GPR132: variants seen among roughly 807,000 people sequenced by gnomAD.
GPR132 encodes G protein-coupled receptor 132.
A neutral mutation model predicts 1.9 loss-of-function variants in GPR132; 4 were observed. That is an observed-to-expected ratio of 2.13 (90% CI 1.05 to 4.87). The LOEUF is 4.87. Among genes scored for constraint, GPR132 ranks in the 30% most tolerant of loss-of-function variants. The pLI, the probability that GPR132 is intolerant of heterozygous loss-of-function variation, is 0.01. For synonymous variants in GPR132, 233 were observed against 234.2 expected (o/e 0.99, Z 0.05); for missense variants, 404 against 512.5 (o/e 0.79, Z 2.04).
intron 2 of GPR132, 90 bp downstream of exon 2, chr14:105,057,077 T>C: frequency 1.1e-6 from 1 of 911,474 alleles, no homozygotes; most frequent in Middle Eastern, 2.1e-4. Context: ...TTTTTATGCG[T>C]TAATTTTTGA....
chr14:105,053,819 A>G (rs935520021), intron 3 of GPR132: 7 of 583,526 alleles, frequency 1.2e-5, no homozygotes, highest in Non-Finnish European at 1.5e-5. Context: ...ACTAGCTGAC[A>G]GTAAAATAAA....
At chr14:105,061,517 G>A (rs1886941827) in intron 1 of GPR132, among the ~76,000 whole-genome samples, 1 of 152,250 alleles carries the variant, frequency 6.6e-6, no homozygotes, top group African/African-American at 2.4e-5. Context: ...GCCAGCTGCA[G>A]TGTCGCGGTC....
rs947994170 is a variant in GPR132 at position 105,059,991 on chromosome 14, C to G, written c.-860-2711G>C. On this transcript the variant is annotated intron_variant, in intron 1 of 3. Coordinates refer to ENST00000329797, the MANE Select transcript of GPR132 (RefSeq NM_013345.4). This position sits in a 1 kb window ranked among gnomAD's most constrained non-coding sequence, Gnocchi z 4.2. ...CATCTCCAAAGTGATGCCCCCTTGG[C>G]GGTGGGTGGTGTGGGCCGGAGGGGT... 2.0e-5 allele frequency among the ~76,000 whole-genome samples: 3 copies of G among 152,254 alleles called. No homozygotes were observed. The highest frequency in any genetic ancestry group is 4.4e-5 in the Non-Finnish European group (3 of 68,052).
chr14:105,055,320 C>G lies in GPR132; in HGVS notation c.34+67G>C, dbSNP rs561445718. ...CCAGCCTGGGCGATAGAGTGAGACTCAATCGCAAGAAAAAAAAATTGAAAA... is the reference window on the plus strand; with the variant it reads ...CCAGCCTGGGCGATAGAGTGAGACTGAATCGCAAGAAAAAAAAATTGAAAA... On this transcript the variant is annotated intron_variant, in intron 3 of 3. Coordinates refer to ENST00000329797, the MANE Select transcript of GPR132 (RefSeq NM_013345.4). This position sits in a 1 kb window ranked among gnomAD's most constrained non-coding sequence, Gnocchi z 4.7. The G allele has an allele frequency of 4.7e-4, 368 of 780,078 alleles. No homozygotes were observed. Among genetic ancestry groups the G allele is most frequent in the Non-Finnish European group, 8.0e-4 (334 of 417,686 alleles). 48.3% of individuals were successfully genotyped at this position (780,078 alleles called of 1,614,324 possible).
rs1886760094 is a variant in GPR132 at position 105,055,294 on chromosome 14, TCCAGC to T, written c.34+88_34+92del. On this transcript the variant is annotated intron_variant, in intron 3 of 3. Coordinates refer to ENST00000329797, the MANE Select transcript of GPR132 (RefSeq NM_013345.4). The surrounding 1 kb of genome is among the most constrained non-coding windows in gnomAD (Gnocchi z 4.7). Reference sequence around the variant, plus strand: ...GTGAGCCGAGATTGTGCCACTGCACTCCAGCCTGGGCGATAGAGTGAGACTCAATC... The same window carrying T: ...GTGAGCCGAGATTGTGCCACTGCACTCTGGGCGATAGAGTGAGACTCAATC... The T allele has an allele frequency of 2.6e-6, 2 of 772,784 alleles. No homozygotes were observed. Among genetic ancestry groups the T allele is most frequent in the Non-Finnish European group, 4.9e-6 (2 of 411,902 alleles). The allele number at this position is 772,784 out of a possible 1,614,324, so 47.9% of individuals were successfully genotyped here.
rs116378171 is a variant in GPR132 at position 105,051,083 on chromosome 14, C to A, written c.1054G>T (p.Ala352Ser). ...GAGAAGGTGTAGTGGTCTGCAAGGG[C>A]CACGGGCGACTGCAGCTCCTCGGTG... ...RDTEELQSPV[A>S]LADHYTFSRP... Residue 352 changes from alanine to serine, a missense_variant, in exon 4 of 4, where the codon GCC becomes TCC. Ala to Ser is a moderately conservative substitution (Grantham distance 99). Coordinates refer to ENST00000329797, the MANE Select transcript of GPR132 (RefSeq NM_013345.4). The surrounding 1 kb of genome is among the most constrained non-coding windows in gnomAD (Gnocchi z 8.0). 1.2e-3 allele frequency: 1,986 copies of A among 1,614,160 alleles called. 26 individuals are homozygous for A. The African/African-American group carries it at 0.024, about 19-fold the overall frequency.
In GPR132 at chr14:105,054,312, G is replaced by A. The variant is rs553299371; in HGVS notation, c.34+1075C>T. Reference sequence around the variant, plus strand: ...CAGGAACCTTCCACATGCAAATGTCGTAGTTTCCTTGACCTCCCTCCTGTA... The same window carrying A: ...CAGGAACCTTCCACATGCAAATGTCATAGTTTCCTTGACCTCCCTCCTGTA... On this transcript the variant is annotated intron_variant, in intron 3 of 3. Transcript: ENST00000329797. The A allele has an allele frequency of 5.3e-5, 56 of 1,065,494 alleles. No homozygotes were observed. The South Asian group carries it at 5.8e-4, about 11-fold the overall frequency. 66.0% of individuals were successfully genotyped at this position (1,065,494 alleles called of 1,614,324 possible). A position where few individuals can be genotyped will look rare whatever the true frequency, so the allele number is the denominator to read the frequency against.
Position 105,051,977 on chromosome 14 carries a change from T to G in GPR132, c.160A>C (p.Thr54Pro). 6.2e-7 allele frequency: 1 copy of G among 1,613,402 alleles called. No homozygotes were observed. Among genetic ancestry groups the G allele is most frequent in the Non-Finnish European group, 8.5e-7 (1 of 1,180,002 alleles). The change falls in exon 4 of 4, where the codon ACG becomes CCG. Residue 54 changes from threonine (T) to proline (P), a missense_variant. Thr to Pro is a conservative substitution (Grantham distance 38). Coordinates refer to ENST00000329797, the MANE Select transcript of GPR132 (RefSeq NM_013345.4). The surrounding 1 kb of genome is among the most constrained non-coding windows in gnomAD (Gnocchi z 8.0). Reference protein sequence around the residue: ...VLVVVYSAVCTLGVPANCLTA... With the variant: ...VLVVVYSAVCPLGVPANCLTA... ...AGGCAGTTGGCCGGCACCCCCAGCG[T>G]GCACACCGCGCTGTACACCACGACC...
At position 105,050,713 on chromosome 14, in the gene GPR132, C is replaced by G; in HGVS notation, c.*281G>C. On this transcript the variant is annotated 3_prime_UTR_variant, in exon 4 of 4. Transcript: ENST00000329797. This position sits in a 1 kb window ranked among gnomAD's most constrained non-coding sequence, Gnocchi z 4.0. ...TGCTACCTGCCCACAGCCAAGGGAG[C>G]CAGCCAGGCAGGCTGCTGATGAAGA... 2.0e-6 allele frequency: 1 copy of G among 496,356 alleles called. No individual in the cohort carries two copies. The allele number at this position is 496,356 out of a possible 1,614,324, so 30.7% of individuals were successfully genotyped here.
At chr14:105,058,975 G>C (rs1314039791) in intron 1 of GPR132, among the ~76,000 whole-genome samples, 1 of 152,236 alleles carries the variant, frequency 6.6e-6, no homozygotes, top group Non-Finnish European at 1.5e-5. Flanking sequence ...GCAGTGCAGG[G>C]ATAGAGGCTG....
rs1382809057 is a variant in GPR132, at chr14:105,055,223, A to T, written c.34+164T>A. On this transcript the variant is annotated intron_variant, in intron 3 of 3. Transcript: ENST00000329797. The surrounding 1 kb of genome is among the most constrained non-coding windows in gnomAD (Gnocchi z 4.7). ...GCACCTGTAATCCCAGCTACTTGGG[A>T]GGCTGATGCAGGAGAATCCCTTGAA... is the stretch of plus-strand genomic sequence containing the variant. Among the ~76,000 whole-genome samples, 1 of 151,780 alleles carries T rather than the reference A, an allele frequency of 6.6e-6. No individual in the cohort carries two copies. Among genetic ancestry groups the T allele is most frequent in the Non-Finnish European group, 1.5e-5 (1 of 67,966 alleles).
At position 105,055,398 on chromosome 14, in the gene GPR132, T is replaced by G. The variant is rs750355807; in HGVS notation, c.23A>C (p.Asn8Thr). The stretch of plus-strand genomic sequence containing the variant: ...AACAAGGAATTTACCATTGTAACCG[T>G]TTTTCAGTAGCATTGGGCACATTCA... Reference protein sequence around the residue: MCPMLLKNGYNGNATPVT... With the variant: MCPMLLKTGYNGNATPVT... Residue 8 changes from asparagine to threonine, a missense_variant, in exon 3 of 4, where the codon AAC (asparagine) becomes ACC (threonine). Transcript: ENST00000329797. This position sits in a 1 kb window ranked among gnomAD's most constrained non-coding sequence, Gnocchi z 4.7. 1.3e-6 allele frequency: 1 copy of G among 780,890 alleles called. No homozygotes were observed. The highest frequency in any genetic ancestry group is 1.7e-5 in the Admixed American group (1 of 59,018). 48.4% of individuals were successfully genotyped at this position (780,890 alleles called of 1,614,324 possible). A position where few individuals can be genotyped will look rare whatever the true frequency, so the allele number is the denominator to read the frequency against.
At position 105,050,725 on chromosome 14, in the gene GPR132, G is replaced by A; in HGVS notation, c.*269C>T. On this transcript the variant is annotated 3_prime_UTR_variant, in exon 4 of 4. Transcript: ENST00000329797. The surrounding 1 kb of genome is among the most constrained non-coding windows in gnomAD (Gnocchi z 4.0). Reference sequence around the variant, plus strand: ...ACAGCCAAGGGAGCCAGCCAGGCAGGCTGCTGATGAAGAGGCCCCACTGCC... The same window carrying A: ...ACAGCCAAGGGAGCCAGCCAGGCAGACTGCTGATGAAGAGGCCCCACTGCC... 2 of 509,026 alleles carry A rather than the reference G, an allele frequency of 3.9e-6. No individual in the cohort carries two copies. Among genetic ancestry groups the A allele is most frequent in the Admixed American group, 3.5e-5 (1 of 28,952 alleles). The allele number at this position is 509,026 out of a possible 1,614,324, so 31.5% of individuals were successfully genotyped here. A position where few individuals can be genotyped will look rare whatever the true frequency, so the allele number is the denominator to read the frequency against.
Position 105,050,716 on chromosome 14 carries a change from G to A in GPR132, c.*278C>T. On this transcript the variant is annotated 3_prime_UTR_variant, in exon 4 of 4. Transcript: ENST00000329797. This position sits in a 1 kb window ranked among gnomAD's most constrained non-coding sequence, Gnocchi z 4.0. Reference sequence around the variant, plus strand: ...TACCTGCCCACAGCCAAGGGAGCCAGCCAGGCAGGCTGCTGATGAAGAGGC... The same window carrying A: ...TACCTGCCCACAGCCAAGGGAGCCAACCAGGCAGGCTGCTGATGAAGAGGC... 1 of 503,484 alleles carries A rather than the reference G, an allele frequency of 2.0e-6. No individual in the cohort carries two copies. The highest frequency in any genetic ancestry group is 3.3e-5 in the East Asian group (1 of 30,526). The allele number at this position is 503,484 out of a possible 1,614,324, so 31.2% of individuals were successfully genotyped here. A position where few individuals can be genotyped will look rare whatever the true frequency, so the allele number is the denominator to read the frequency against.
At position 105,056,110 on chromosome 14, in the gene GPR132, C is replaced by T. The variant is rs1308438888; in HGVS notation, c.-690G>A. On this transcript the variant is annotated 5_prime_UTR_variant, in exon 3 of 4. Coordinates refer to ENST00000329797, the MANE Select transcript of GPR132 (RefSeq NM_013345.4). The surrounding 1 kb of genome is among the most constrained non-coding windows in gnomAD (Gnocchi z 6.0). ...CAGGGCTCCGGTCTCCCCACAGCCT[C>T]GCTGCGCTTGCTGGGTTTCTCCGGG... 6 of 985,158 alleles carry T rather than the reference C, an allele frequency of 6.1e-6. No homozygotes were observed. Among genetic ancestry groups the T allele is most frequent in the Middle Eastern group, 5.2e-4 (1 of 1,912 alleles). 61.0% of individuals were successfully genotyped at this position (985,158 alleles called of 1,614,324 possible).
At position 105,055,455 on chromosome 14, in the gene GPR132, G is replaced by T; in HGVS notation, c.-35C>A. The T allele has an allele frequency of 1.3e-6, 1 of 779,876 alleles. No homozygotes were observed. The highest frequency in any genetic ancestry group is 1.3e-5 in the South Asian group (1 of 74,586). 48.3% of individuals were successfully genotyped at this position (779,876 alleles called of 1,614,324 possible). On this transcript the variant is annotated 5_prime_UTR_variant, in exon 3 of 4. Coordinates refer to ENST00000329797, the MANE Select transcript of GPR132 (RefSeq NM_013345.4). This position sits in a 1 kb window ranked among gnomAD's most constrained non-coding sequence, Gnocchi z 4.7. ...TCTGCAACCATCGCCAGCATCCGTC[G>T]GCAGAACCTTCTCATCTTCCCAAAC...
At chr14:105,058,253 C>T (rs1331501006) in intron 1 of GPR132, among the ~76,000 whole-genome samples, 1 of 152,048 alleles carries the variant, frequency 6.6e-6, no homozygotes, top group African/African-American at 2.4e-5. Context: ...CCCAGCTACC[C>T]AGGAGGCTGA....
At chr14:105,052,475 G>A (rs991965728) in intron 3 of GPR132, among the ~76,000 whole-genome samples, 2 of 151,890 alleles carry the variant, frequency 1.3e-5, no homozygotes, top group South Asian at 2.1e-4. Flanking sequence ...TTACAGGCAC[G>A]TGCCACCATG....
intron 1 of GPR132, among the ~76,000 whole-genome samples, chr14:105,062,704 A>G (rs1886980470): frequency 2.7e-5 from 4 of 150,526 alleles, no homozygotes. Flanking sequence ...ACGTCCAGCT[A>G]CTTTTTTTGT....
Sources: gnomAD v4.1 joint callset for allele counts (sites outside exome capture counted in the v4.1 genomes callset) on GRCh38, gnomAD v4.1.1 for gene constraint, Gnocchi (gnomAD v3.1) non-coding constraint, MANE v1.5 for transcripts, NCBI Gene and HGNC (gene_info 2026-07-23, HGNC 2026-07-21) for gene names.